Variants in OTOA observed in about 807,000 individuals in gnomAD.
OTOA encodes the protein otoancorin, also known as cancer/testis antigen 108.
A neutral mutation model predicts 110.8 loss-of-function variants in OTOA; 70 were observed. That is an observed-to-expected ratio of 0.63 (90% CI 0.52 to 0.77). OTOA has a LOEUF of 0.77. OTOA is among the 30% of genes least tolerant of loss of function. OTOA has a pLI of 0.00. For missense variants in OTOA, 917 were observed against 1,075.8 expected, an observed-to-expected ratio of 0.85 and a Z score of 2.06; for synonymous variants, 373 against 431.5, an observed-to-expected ratio of 0.86 and a Z score of 1.68.
intron 15 of OTOA, 114 bp downstream of exon 15, chr16:21,717,161 A>G (rs1898582282): frequency 1.4e-6 from 2 of 1,432,314 alleles, no homozygotes; most frequent in Non-Finnish European, 1.9e-6. Context: ...TGGGATTAGT[A>G]TAGGAGGCAG....
chr16:21,727,607 T>C (rs566302214), intron 19 of OTOA, among the ~76,000 whole-genome samples: 10 of 152,308 alleles, frequency 6.6e-5, no homozygotes, highest in Middle Eastern at 3.4e-3. Context: ...TCAAGTGGCA[T>C]ACAAACTTTG....
chr16:21,720,521 T>C (rs1161602031), intron 17 of OTOA, among the ~76,000 whole-genome samples: 2 of 152,206 alleles, frequency 1.3e-5, no homozygotes, highest in Non-Finnish European at 2.9e-5. Flanking sequence ...CTCATTCCCT[T>C]GGACTGTTAA....
At chr16:21,676,588 G>C (rs998596465) in intron 1 of OTOA, among the ~76,000 whole-genome samples, 4 of 152,176 alleles carry the variant, frequency 2.6e-5, no homozygotes, top group Non-Finnish European at 5.9e-5. Context: ...GGATTGTTCT[G>C]CCTACTGGTG....
chr16:21,689,064 C>T (rs1243954103), intron 8 of OTOA, among the ~76,000 whole-genome samples: 1 of 152,058 alleles, frequency 6.6e-6, no homozygotes, highest in Non-Finnish European at 1.5e-5. Context: ...TGAAATTGCG[C>T]TTTGATGTAA....
rs761070551 is a variant in OTOA, at chr16:21,722,908, A to G, written c.1810A>G (p.Asn604Asp). Residue 604 changes from asparagine to aspartate, a missense_variant, in exon 18 of 29, where the codon AAT becomes GAT. By Grantham distance (23) the Asn-to-Asp change is conservative. This residue lies in a region of OTOA where 840 missense variants were observed against 910.2 expected (regional missense o/e 0.92). Transcript: ENST00000646100. ...NFALLSPYQV[N>D]CLAWKYWEVS... ...CCAGAACTGCTTAATCTTTCAGGTT[A>G]ATTGTTTGGCGTGGAAATACTGGGA... 2 of 1,613,970 alleles carry G rather than the reference A, an allele frequency of 1.2e-6. No homozygotes were observed. Among genetic ancestry groups the G allele is most frequent in the Admixed American group, 3.3e-5 (2 of 60,010 alleles).
At position 21,685,447 on chromosome 16, in the gene OTOA, G is replaced by A. The variant is rs2141659149; in HGVS notation, c.399+86G>A. On this transcript the variant is annotated intron_variant, in intron 7 of 28. Coordinates refer to ENST00000646100, the MANE Select transcript of OTOA (RefSeq NM_144672.4). ...ATTGAATAAATGGAGCCTGACTTAGGCCTTGGCACTTCATTGTCTCTTCCT... is the reference window on the plus strand; with the variant it reads ...ATTGAATAAATGGAGCCTGACTTAGACCTTGGCACTTCATTGTCTCTTCCT... 2.9e-5 allele frequency: 45 copies of A among 1,561,114 alleles called. No homozygotes were observed. The South Asian group carries it at 5.0e-4, about 17-fold the overall frequency.
chr16:21,752,323 A>G (rs144391669), intron 25 of OTOA, 46 bp from the exon 26 acceptor site: 7,801 of 717,752 alleles, frequency 0.011, 1,560 homozygotes, highest in Non-Finnish European at 0.015. Context: ...TTTTGGCTGA[A>G]GAGTCCAAGC....
Position 21,716,891 on chromosome 16 carries a change from T to C in OTOA, c.1489-16T>C. ...ATTTTTTACAATGTTGTTTTGTTGC[T>C]TCTCGCTTCTGGCAGATGGTCCAAG... On this transcript the variant is annotated splice_polypyrimidine_tract_variant and intron_variant, in intron 14 of 28. Transcript: ENST00000646100. 1.9e-6 allele frequency: 3 copies of C among 1,613,848 alleles called. No individual in the cohort carries two copies. Among genetic ancestry groups the C allele is most frequent in the East Asian group, 4.5e-5 (2 of 44,858 alleles).
chr16:21,685,112 C>A, intron 6 of OTOA, 118 bp from the exon 7 acceptor site: 1 of 1,400,560 alleles, frequency 7.1e-7, no homozygotes, highest in Non-Finnish European at 9.9e-7. Context: ...AGACTGCTGG[C>A]CACTAGTTGT....
intron 17 of OTOA, among the ~76,000 whole-genome samples, chr16:21,720,099 G>A (rs910910716): frequency 6.6e-6 from 1 of 152,018 alleles, no homozygotes; most frequent in East Asian, 1.9e-4. Flanking sequence ...GGAACTAAAG[G>A]CACACACCAC....
chr16:21,756,798 C>G (rs1445622755), intron 27 of OTOA, among the ~76,000 whole-genome samples: 1 of 151,090 alleles, frequency 6.6e-6, no homozygotes, highest in Non-Finnish European at 1.5e-5. Flanking sequence ...TAGGATTCAA[C>G]AATATTGTTT....
At chr16:21,694,136 G>T (rs1897886519) in intron 9 of OTOA, among the ~76,000 whole-genome samples, 1 of 151,906 alleles carries the variant, frequency 6.6e-6, no homozygotes, top group African/African-American at 2.4e-5. Context: ...TTTCCTTTCA[G>T]CTATTAAAAA....
chr16:21,700,591 G>T (rs923076801), intron 10 of OTOA, among the ~76,000 whole-genome samples: 5 of 151,944 alleles, frequency 3.3e-5, no homozygotes, highest in African/African-American at 9.7e-5. Flanking sequence ...CAAGCGTGGT[G>T]GTGGGCACCT....
chr16:21,690,134 G>A (rs1897798395), intron 8 of OTOA, among the ~76,000 whole-genome samples: 1 of 152,174 alleles, frequency 6.6e-6, no homozygotes, highest in Non-Finnish European at 1.5e-5. Context: ...GCTGTGAAGG[G>A]GAAGAGGAAA....
Position 21,719,123 on chromosome 16 carries a change from C to T in OTOA, c.1630-10C>T, listed in dbSNP as rs200866265. The T allele has an allele frequency of 2.0e-5, 33 of 1,613,108 alleles. No individual in the cohort carries two copies. The highest frequency in any genetic ancestry group is 1.0e-4 in the Admixed American group (6 of 60,006). ...TGCCATCAGTGCTAACGATCATTCT[C>T]TTCTCGCAGGCTCTGTTCCTGTATG... On this transcript the variant is annotated splice_polypyrimidine_tract_variant and intron_variant, in intron 15 of 28. Coordinates refer to ENST00000646100, the MANE Select transcript of OTOA (RefSeq NM_144672.4).
intron 6 of OTOA, among the ~76,000 whole-genome samples, chr16:21,684,937 A>G (rs1057379429): frequency 2.0e-5 from 3 of 151,846 alleles, no homozygotes; most frequent in African/African-American, 7.3e-5. Context: ...TTTTTAGTAG[A>G]GACGGGGTTT....
intron 1 of OTOA, among the ~76,000 whole-genome samples, chr16:21,667,486 C>T (rs140514636): frequency 0.011 from 1,686 of 152,002 alleles, 12 homozygotes; most frequent in Non-Finnish European, 0.016. Context: ...AACCCTGTCT[C>T]TACTAAAAAT....
intron 6 of OTOA, chr16:21,684,643 A>C (rs1966967227): frequency 9.5e-7 from 1 of 1,050,650 alleles, no homozygotes; most frequent in Non-Finnish European, 1.4e-6. Flanking sequence ...ATTGCCTAAA[A>C]GGGGATGTGC....
At chr16:21,698,167 C>T (rs1204320500) in intron 10 of OTOA, among the ~76,000 whole-genome samples, 1 of 152,038 alleles carries the variant, frequency 6.6e-6, no homozygotes, top group South Asian at 2.1e-4. Context: ...TGGCTATGAA[C>T]CAAAAATCAT....
Sources: allele counts gnomAD v4.1 joint callset (sites outside exome capture counted in the v4.1 genomes callset), GRCh38; gene constraint gnomAD v4.1.1; regional missense constraint gnomAD v4.1.1; transcripts MANE v1.5; gene names NCBI Gene and HGNC (gene_info 2026-07-23, HGNC 2026-07-21).